The following ZNF391 variants were observed in gnomAD, a reference collection of about 807,000 sequenced individuals.
ZNF391 encodes the protein zinc finger protein 391.
For missense variants in ZNF391, 375 were observed against 425.5 expected, an observed-to-expected ratio of 0.88 and a Z score of 1.04; for synonymous variants, 126 against 142.1, an observed-to-expected ratio of 0.89 and a Z score of 0.80.
chr6:27,400,310 G>C lies in ZNF391; in HGVS notation c.-61G>C. On this transcript the variant is annotated 5_prime_UTR_variant, in exon 3 of 3. Coordinates refer to ENST00000244576, the MANE Select transcript of ZNF391 (RefSeq NM_001076781.3). ...TCTTTCAGATAGGGGGATTTGAGCTGAACCAAAGCATCAACACCAATCAGA... is the reference window on the plus strand; with the variant it reads ...TCTTTCAGATAGGGGGATTTGAGCTCAACCAAAGCATCAACACCAATCAGA... The C allele has an allele frequency of 2.2e-6, 3 of 1,373,010 alleles. No homozygotes were observed. The highest frequency in any genetic ancestry group is 3.0e-6 in the Non-Finnish European group (3 of 1,001,426). The allele number at this position is 1,373,010 out of a possible 1,614,324, so 85.1% of individuals were successfully genotyped here. A position where few individuals can be genotyped will look rare whatever the true frequency, so the allele number is the denominator to read the frequency against.
intron 1 of ZNF391, among the ~76,000 whole-genome samples, chr6:27,378,326 G>A (rs543811073): frequency 6.6e-6 from 1 of 152,206 alleles, no homozygotes; most frequent in South Asian, 2.1e-4. Flanking sequence ...AAATCACCTG[G>A]GTGCAGGTGG....
At position 27,374,631 on chromosome 6, in the gene ZNF391, T is replaced by C. The variant is rs1267649482; in HGVS notation, n.17T>C. 1 of 152,138 alleles carries C rather than the reference T, an allele frequency of 6.6e-6. No individual in the cohort carries two copies. Among genetic ancestry groups the C allele is most frequent in the Non-Finnish European group, 1.5e-5 (1 of 68,062 alleles). The allele number at this position is 152,138 out of a possible 1,614,324, so 9.4% of individuals were successfully genotyped here. ...TGTTTCCTTAGTGACCCTAGGCCTC[T>C]TGCAGGAGAGTCCCTGGTCCCAGCC... On this transcript the variant is annotated non_coding_transcript_exon_variant, in exon 1 of 3. Coordinates refer to the ZNF391 transcript ENST00000477999. The surrounding 1 kb of genome is among the most constrained non-coding windows in gnomAD (Gnocchi z 5.3).
At chr6:27,388,627 C>T (rs12195788), upstream of ZNF391, 222,785 of 309,124 alleles carry the variant, frequency 0.72, 81,026 homozygotes, top group Middle Eastern at 0.83. Context: ...GCCAACCTCT[C>T]AGCCTCTCGC....
intron 1 of ZNF391, chr6:27,389,290 GT>G (rs1325106074): frequency 2.2e-6 from 1 of 456,128 alleles, no homozygotes; most frequent in African/African-American, 2.0e-5. Flanking sequence ...TTTTCCCCGG[GT>G]GTATCCCTGG....
chr6:27,403,696 G>A lies in ZNF391; in HGVS notation c.*2249G>A, dbSNP rs1205124372. On this transcript the variant is annotated 3_prime_UTR_variant, in exon 3 of 3. Coordinates refer to ENST00000244576, the MANE Select transcript of ZNF391 (RefSeq NM_001076781.3). ...TTTGAATGATGAGGTAACCTCATAG[G>A]TATTTTGGCCCATTTTGTTTTTCCT... 2.6e-5 allele frequency: 4 copies of A among 152,188 alleles called. No individual in the cohort carries two copies. Among genetic ancestry groups the A allele is most frequent in the Non-Finnish European group, 5.9e-5 (4 of 68,030 alleles). 9.4% of individuals were successfully genotyped at this position (152,188 alleles called of 1,614,324 possible).
upstream of ZNF391, among the ~76,000 whole-genome samples, chr6:27,388,197 G>A (rs1230210505): frequency 1.3e-5 from 2 of 151,746 alleles, no homozygotes; most frequent in Non-Finnish European, 2.9e-5. Context: ...GAACTCCCAG[G>A]GCACATTGTG....
Position 27,375,976 on chromosome 6 carries a change from C to T in ZNF391, n.523+839C>T, listed in dbSNP as rs115718782. Among the ~76,000 whole-genome samples, 556 of 152,224 alleles carry T rather than the reference C, an allele frequency of 3.7e-3. 4 individuals are homozygous for T. Among genetic ancestry groups the T allele is most frequent in the African/African-American group, 0.013 (526 of 41,542 alleles). ...AGGATTCAATTGGTTACTTCGGGTT[C>T]GCCCTATGTAAATGGAGAGGATGAA... On this transcript the variant is annotated intron_variant and non_coding_transcript_variant, in intron 1 of 2. Transcript: ENST00000477999.
chr6:27,389,080 G>A lies in ZNF391; in HGVS notation c.-188+5G>A. ...TTACAGGGCCCCGGGACCAAGGTGG[G>A]TGCTCTTAGAGGTTCTGGAAAGCGG... On this transcript the variant is annotated splice_donor_5th_base_variant and intron_variant, in intron 1 of 2. Coordinates refer to ENST00000244576, the MANE Select transcript of ZNF391 (RefSeq NM_001076781.3). 1 of 456,590 alleles carries A rather than the reference G, an allele frequency of 2.2e-6. No individual in the cohort carries two copies. The highest frequency in any genetic ancestry group is 4.4e-6 in the Non-Finnish European group (1 of 226,906). The allele number at this position is 456,590 out of a possible 1,614,324, so 28.3% of individuals were successfully genotyped here.
chr6:27,381,695 G>A (rs1761512004), intron 1 of ZNF391, among the ~76,000 whole-genome samples: 1 of 152,176 alleles, frequency 6.6e-6, no homozygotes, highest in Non-Finnish European at 1.5e-5. Context: ...CCATGACCGT[G>A]CCACTGCCCT....
intron 1 of ZNF391, among the ~76,000 whole-genome samples, chr6:27,393,844 A>G (rs1486430192): frequency 6.6e-6 from 1 of 152,214 alleles, no homozygotes; most frequent in African/African-American, 2.4e-5. Flanking sequence ...TTAGCAAAGA[A>G]CTTGGTTGCC....
chr6:27,389,223 A>G (rs751616042), intron 1 of ZNF391, 148 bp downstream of exon 1: 41 of 456,504 alleles, frequency 9.0e-5, no homozygotes, highest in South Asian at 6.3e-4. Context: ...TGAAGCCCCC[A>G]GCGCTCGTCT....
intron 1 of ZNF391, among the ~76,000 whole-genome samples, chr6:27,378,839 G>A (rs1415800840): frequency 2.6e-5 from 4 of 152,002 alleles, no homozygotes; most frequent in Non-Finnish European, 5.9e-5. Flanking sequence ...CTATTTGGAA[G>A]GATCTCTTTA....
In ZNF391 at chr6:27,400,692, C is replaced by T; in HGVS notation, c.322C>T (p.Pro108Ser). The change falls in exon 3 of 3, where the codon CCT (proline) becomes TCT (serine). Residue 108 changes from proline (P) to serine (S), a missense_variant. Transcript: ENST00000244576. ...CCAAAGACTTTTCTCACAAAGAAAA[C>T]CTTGTAAATGCAATGAATGTGAAAA... ...KHQRLFSQRK[P>S]CKCNECEKAF... is the part of the protein sequence containing the mutation. 1 of 1,613,836 alleles carries T rather than the reference C, an allele frequency of 6.2e-7. No homozygotes were observed. Among genetic ancestry groups the T allele is most frequent in the Non-Finnish European group, 8.5e-7 (1 of 1,179,960 alleles).
chr6:27,386,721 G>C (rs1761588522), upstream of ZNF391, among the ~76,000 whole-genome samples: 1 of 152,080 alleles, frequency 6.6e-6, no homozygotes, highest in African/African-American at 2.4e-5. Flanking sequence ...TAATAAAGTT[G>C]TAGTATTTAC....
chr6:27,400,601 T>C lies in ZNF391; in HGVS notation c.231T>C (p.Ile77=). ...LSPNLDAQQK[I]PKGHGSPISR... ...CAAACCTTGACGCACAACAGAAAAT[T>C]CCAAAGGGACATGGATCCCCAATAT... The change falls in exon 3 of 3, where the codon ATT becomes ATC. Residue 77 remains isoleucine, a synonymous_variant. Coordinates refer to ENST00000244576, the MANE Select transcript of ZNF391 (RefSeq NM_001076781.3). The C allele has an allele frequency of 6.2e-7, 1 of 1,614,104 alleles. No individual in the cohort carries two copies. The highest frequency in any genetic ancestry group is 1.3e-5 in the African/African-American group (1 of 75,016).
intron 1 of ZNF391, among the ~76,000 whole-genome samples, chr6:27,396,429 A>G (rs1761827312): frequency 6.6e-6 from 1 of 152,190 alleles, no homozygotes; most frequent in African/African-American, 2.4e-5. Flanking sequence ...TTGAAACAAA[A>G]AAATGTATAT....
intron 1 of ZNF391, among the ~76,000 whole-genome samples, chr6:27,394,050 A>C (rs956758881): frequency 6.6e-6 from 1 of 152,258 alleles, no homozygotes; most frequent in Non-Finnish European, 1.5e-5. Context: ...AGAGCATAAA[A>C]GTTTGGAAAA....
rs146971468 is a variant in ZNF391, at chr6:27,379,413, A to G, written n.523+4276A>G. Among the ~76,000 whole-genome samples the G allele has an allele frequency of 5.9e-5, 9 of 152,354 alleles. No homozygotes were observed. In the East Asian group the frequency reaches 1.7e-3, roughly 29 times the overall value. ...AGCACAGTATTTTTTGTGATGGGAA[A>G]GCAGAATAAATCAAGTTTTCCAGTT... On this transcript the variant is annotated intron_variant and non_coding_transcript_variant, in intron 1 of 2. Transcript: ENST00000477999.
At chr6:27,378,718 T>C (rs1484791763) in intron 1 of ZNF391, among the ~76,000 whole-genome samples, 2 of 152,202 alleles carry the variant, frequency 1.3e-5, no homozygotes, top group African/African-American at 2.4e-5. Context: ...TGACAGTCAA[T>C]ATTCCTGTAT....
Sources: gnomAD v4.1 joint callset for allele counts (sites outside exome capture counted in the v4.1 genomes callset) on GRCh38, gnomAD v4.1.1 for gene constraint, Gnocchi (gnomAD v3.1) non-coding constraint, MANE v1.5 for transcripts, NCBI Gene and HGNC (gene_info 2026-07-23, HGNC 2026-07-21) for gene names.